DMD: variants seen among roughly 807,000 people sequenced by gnomAD.
DMD encodes the protein dystrophin.
A neutral mutation model predicts 330.1 loss-of-function variants in DMD; 63 were observed. That is an observed-to-expected ratio of 0.19 (90% CI 0.16 to 0.24). DMD has a LOEUF of 0.24. DMD is among the 10% of genes least tolerant of loss of function. DMD has a pLI of 1.00. For missense variants in DMD, 3,344 were observed against 2,684.1 expected, an observed-to-expected ratio of 1.25 and a Z score of -5.43; for synonymous variants, 1,223 against 959.8, an observed-to-expected ratio of 1.27 and a Z score of -5.07.
At chrX:32,537,488 T>G (rs2048096127) in intron 17 of DMD, among the ~76,000 whole-genome samples, 1 of 110,811 alleles carries the variant, frequency 9.0e-6, no homozygotes, top group Non-Finnish European at 1.9e-5. Flanking sequence ...TCCCAGAAAC[T>G]GCAGGAGAGA....
At chrX:32,830,450 A>C (rs1187798484) in intron 4 of DMD, among the ~76,000 whole-genome samples, 2 of 111,664 alleles carry the variant, frequency 1.8e-5, no homozygotes, top group African/African-American at 6.5e-5. Flanking sequence ...AAACATTAAT[A>C]TGACATGTAT....
chrX:32,508,115 CG>C (rs908294973), intron 18 of DMD, among the ~76,000 whole-genome samples: 5 of 110,642 alleles, frequency 4.5e-5, no homozygotes, highest in African/African-American at 1.6e-4. Flanking sequence ...CAAGGAATGC[CG>C]GGTCACTCAG....
At chrX:32,442,504 T>A (rs2098285248) in intron 27 of DMD, among the ~76,000 whole-genome samples, 1 of 110,832 alleles carries the variant, frequency 9.0e-6, no homozygotes, top group African/African-American at 3.3e-5. Flanking sequence ...ATTCCACGTG[T>A]GAGAGAAGAT....
intron 48 of DMD, among the ~76,000 whole-genome samples, chrX:31,853,860 G>A (rs1389923150): frequency 8.9e-6 from 1 of 112,130 alleles, no homozygotes; most frequent in Non-Finnish European, 1.9e-5. Flanking sequence ...TGAGGACCTT[G>A]GAAACTATGT....
intron 62 of DMD, among the ~76,000 whole-genome samples, chrX:31,291,400 C>T (rs955974149): frequency 3.6e-5 from 4 of 111,924 alleles, no homozygotes; most frequent in South Asian, 3.7e-4. Context: ...CATTCTATAA[C>T]GGCACATGTA....
At chrX:32,196,986 CAAAAAA>C (rs71872245) in intron 44 of DMD, among the ~76,000 whole-genome samples, 1 of 49,640 alleles carries the variant, frequency 2.0e-5, no homozygotes, top group African/African-American at 9.7e-5. Context: ...GACTCCATCT[CAAAAAA>C]AAAAAAAAAA....
chrX:32,792,985 T>C (rs1175668609), intron 7 of DMD, among the ~76,000 whole-genome samples: 1 of 112,284 alleles, frequency 8.9e-6, no homozygotes, highest in African/African-American at 3.2e-5. Flanking sequence ...GGACAATTCC[T>C]TCAACAGTCA....
At chrX:31,699,806 A>C (rs747254240) in intron 52 of DMD, among the ~76,000 whole-genome samples, 4 of 111,650 alleles carry the variant, frequency 3.6e-5, no homozygotes, top group African/African-American at 1.3e-4. Context: ...GATACAACAA[A>C]ATCTAGAGAG....
chrX:31,441,113 T>A (rs1270598927), intron 60 of DMD, among the ~76,000 whole-genome samples: 1 of 112,649 alleles, frequency 8.9e-6, no homozygotes, highest in African/African-American at 3.2e-5. Flanking sequence ...CTTTCTATTA[T>A]ACTATTTTGC....
At chrX:31,961,921 G>A (rs990638979) in intron 45 of DMD, among the ~76,000 whole-genome samples, 20 of 110,272 alleles carry the variant, frequency 1.8e-4, no homozygotes, top group Non-Finnish European at 2.8e-4. Context: ...TTGCTACTAC[G>A]TGTGGCCATC....
chrX:32,409,477 A>G (rs1275274624), intron 30 of DMD, among the ~76,000 whole-genome samples: 2 of 111,729 alleles, frequency 1.8e-5, no homozygotes, highest in Non-Finnish European at 1.9e-5. Flanking sequence ...AGTAATGTTT[A>G]TAAAATCCTG....
chrX:33,203,469 T>A (rs918931287), intron 1 of DMD, among the ~76,000 whole-genome samples: 2 of 111,442 alleles, frequency 1.8e-5, no homozygotes, highest in African/African-American at 6.5e-5. Context: ...ATTTTGGTAA[T>A]ATTCACAGAA....
chrX:32,815,520 T>TATATATATATATACACACACACAC, intron 6 of DMD, among the ~76,000 whole-genome samples: 15 of 78,912 alleles, frequency 1.9e-4, no homozygotes, highest in African/African-American at 6.4e-4. Flanking sequence ...TATATATATA[T>TATATATATATATACACACACACAC]ACACACACAC....
chrX:32,639,363 G>A (rs1198388585), intron 11 of DMD, among the ~76,000 whole-genome samples: 2 of 110,604 alleles, frequency 1.8e-5, no homozygotes, highest in African/African-American at 6.6e-5. Context: ...CATCCCAAGT[G>A]TATTCCACAG....
chrX:32,792,366 G>C (rs967898084), intron 7 of DMD, among the ~76,000 whole-genome samples: 1 of 110,228 alleles, frequency 9.1e-6, no homozygotes, highest in East Asian at 2.8e-4. Context: ...TACCACTAAA[G>C]AATACCATCA....
intron 12 of DMD, among the ~76,000 whole-genome samples, chrX:32,605,367 A>C (rs1384141820): frequency 1.8e-5 from 2 of 110,728 alleles, no homozygotes; most frequent in African/African-American, 6.5e-5. Flanking sequence ...AGAAGAATGA[A>C]ACTGGGTCAT....
chrX:32,665,264 A>G lies in DMD; in HGVS notation c.961-20112T>C, dbSNP rs914993311. On this transcript the variant is annotated intron_variant, in intron 9 of 78. Coordinates refer to ENST00000357033, the MANE Select transcript of DMD (RefSeq NM_004006.3). Reference sequence around the variant, plus strand: ...GCTAGAGAAGTGTAGTGTACCGAGAATTAAGAATATGGGCTGTGGAATCAA... The same window carrying G: ...GCTAGAGAAGTGTAGTGTACCGAGAGTTAAGAATATGGGCTGTGGAATCAA... Among the ~76,000 whole-genome samples the G allele has an allele frequency of 2.7e-5, 3 of 111,835 alleles. No homozygotes were observed. In the Admixed American group the frequency reaches 2.8e-4, roughly 11 times the overall value.
chrX:32,774,672 C>A (rs1046770151), intron 7 of DMD, among the ~76,000 whole-genome samples: 1 of 110,617 alleles, frequency 9.0e-6, no homozygotes, highest in African/African-American at 3.3e-5. Context: ...ACCACCCATC[C>A]CCCATCCCCC....
At chrX:32,390,427 C>T (rs190206382) in intron 30 of DMD, among the ~76,000 whole-genome samples, 61 of 109,212 alleles carry the variant, frequency 5.6e-4, no homozygotes, top group South Asian at 3.0e-3. Context: ...CCAAGTGAAA[C>T]GATTTATTTC....
Sources: gnomAD v4.1 joint callset for allele counts (sites outside exome capture counted in the v4.1 genomes callset) on GRCh38, gnomAD v4.1.1 for gene constraint, MANE v1.5 for transcripts, NCBI Gene and HGNC (gene_info 2026-07-23, HGNC 2026-07-21) for gene names.